MALRD1: variants seen among roughly 807,000 people sequenced by gnomAD.
MALRD1 encodes the protein MAM and LDL-receptor class A domain-containing protein 1.
MALRD1 carries 247 observed loss-of-function variants against 242.1 expected under a neutral mutation model. The ratio of observed to expected loss-of-function variants is 1.02; its 90% CI spans 0.92 to 1.13. The LOEUF (loss-of-function observed/expected upper bound fraction) is 1.13, where lower values mean the gene tolerates loss of function less well. Ranked by LOEUF, MALRD1 falls within the 50% of genes most tolerant of loss-of-function variation. The pLI is 0.00. For synonymous variants in MALRD1, 995 were observed against 866.6 expected (o/e 1.15, Z -2.60); for missense variants, 2,989 against 2,533.1 (o/e 1.18, Z -3.86).
chr10:19,499,945 A>C (rs1249717472), intron 31 of MALRD1, among the ~76,000 whole-genome samples: 2 of 152,208 alleles, frequency 1.3e-5, no homozygotes, highest in Non-Finnish European at 2.9e-5. Context: ...CCAACCTTGC[A>C]TCTTAGGAAT....
intron 21 of MALRD1, among the ~76,000 whole-genome samples, chr10:19,307,403 C>A (rs1842261039): frequency 6.6e-6 from 1 of 151,494 alleles, no homozygotes; most frequent in Admixed American, 6.6e-5. Flanking sequence ...GTCTCTCCAT[C>A]AGATTTGGAA....
chr10:19,497,061 G>A (rs1279110572), intron 30 of MALRD1, among the ~76,000 whole-genome samples: 1 of 152,076 alleles, frequency 6.6e-6, no homozygotes, highest in Non-Finnish European at 1.5e-5. Flanking sequence ...GGGACAGGAG[G>A]TACAAGGATG....
At chr10:19,729,572 A>ATGTGTGTATAGGATCCTTTCGTGTG (rs1491221923) in intron 38 of MALRD1, among the ~76,000 whole-genome samples, 9 of 148,690 alleles carry the variant, frequency 6.1e-5, no homozygotes, top group African/African-American at 2.0e-4. Context: ...GTGTGTACAC[A>ATGTGTGTATAGGATCCTTTCGTGTG]TGTGTGTATA....
chr10:19,314,488 G>A (rs1293166785), intron 21 of MALRD1, among the ~76,000 whole-genome samples: 1 of 151,602 alleles, frequency 6.6e-6, no homozygotes, highest in African/African-American at 2.4e-5. Context: ...ATGTATTTAA[G>A]TAATTGCATG....
intron 26 of MALRD1, among the ~76,000 whole-genome samples, chr10:19,383,334 A>G (rs1845918863): frequency 6.6e-6 from 1 of 152,156 alleles, no homozygotes; most frequent in African/African-American, 2.4e-5. Context: ...TATTTTACTT[A>G]GGATAATGGC....
chr10:19,394,985 A>C (rs1370730488), intron 28 of MALRD1, among the ~76,000 whole-genome samples: 1 of 152,234 alleles, frequency 6.6e-6, no homozygotes, highest in Non-Finnish European at 1.5e-5. Flanking sequence ...GATTCATAGA[A>C]TCTAGATAGG....
At chr10:19,598,964 G>T (rs902100036) in intron 34 of MALRD1, among the ~76,000 whole-genome samples, 10 of 152,028 alleles carry the variant, frequency 6.6e-5, no homozygotes, top group Non-Finnish European at 1.5e-4. Flanking sequence ...ATAAGAGAGG[G>T]CCTAAAAAAT....
chr10:19,718,113 A>AGAAGAAGAAGAGGAAGAAGAG (rs1554830204), intron 38 of MALRD1, among the ~76,000 whole-genome samples: 75 of 149,614 alleles, frequency 5.0e-4, no homozygotes, highest in African/African-American at 1.7e-3. Flanking sequence ...AAGAGGAAGA[A>AGAAGAAGAAGAGGAAGAAGAG]GAAGAAGAAG....
rs553563823 is a variant in MALRD1 at position 19,382,398 on chromosome 10, G to A, written c.4442-5130G>A. ...TGCATGTGTGTCTTAGAGAAATGGA[G>A]AGAAATGGACATAGTAAAAGGAACG... On this transcript the variant is annotated intron_variant, in intron 26 of 39. Transcript: ENST00000454679. Among the ~76,000 whole-genome samples, 3 of 152,134 alleles carry A rather than the reference G, an allele frequency of 2.0e-5. No individual in the cohort carries two copies. In the South Asian group the frequency reaches 6.2e-4, roughly 32 times the overall value.
intron 36 of MALRD1, among the ~76,000 whole-genome samples, chr10:19,626,497 G>A (rs1297500855): frequency 2.0e-5 from 3 of 151,588 alleles, no homozygotes; most frequent in Admixed American, 6.6e-5. Flanking sequence ...TTGAAAACAG[G>A]GTTCAGCGAG....
intron 39 of MALRD1, among the ~76,000 whole-genome samples, chr10:19,731,025 TG>T (rs1341316764): frequency 6.6e-6 from 1 of 152,170 alleles, no homozygotes; most frequent in Non-Finnish European, 1.5e-5. Flanking sequence ...TGTTAAATGG[TG>T]TTGTGGTCAC....
chr10:19,649,728 GT>G (rs1489240008), intron 36 of MALRD1, among the ~76,000 whole-genome samples: 5 of 152,078 alleles, frequency 3.3e-5, no homozygotes, highest in Non-Finnish European at 7.4e-5. Flanking sequence ...AAGCTCTTTA[GT>G]TTAGATACCA....
chr10:19,388,881 GAA>G (rs11405183), intron 27 of MALRD1, among the ~76,000 whole-genome samples: 1 of 117,208 alleles, frequency 8.5e-6, no homozygotes, highest in Non-Finnish European at 1.7e-5. Flanking sequence ...TAGGTCTACT[GAA>G]AAAAAAAAAA....
chr10:19,322,523 A>G lies in MALRD1; in HGVS notation c.3420-1426A>G, dbSNP rs376624193. Among the ~76,000 whole-genome samples the G allele has an allele frequency of 1.1e-4, 17 of 152,294 alleles. No homozygotes were observed. The East Asian group carries it at 3.3e-3, about 29-fold the overall frequency. ...TTTATTTATGATTCTTATTAACACC[A>G]TACATGGAACTGTCTCATTTTCTGA... On this transcript the variant is annotated intron_variant, in intron 21 of 39. Coordinates refer to ENST00000454679, the MANE Select transcript of MALRD1 (RefSeq NM_001142308.3).
chr10:19,392,121 C>T (rs1003427852), intron 28 of MALRD1, among the ~76,000 whole-genome samples: 2 of 152,198 alleles, frequency 1.3e-5, no homozygotes, highest in Non-Finnish European at 2.9e-5. Flanking sequence ...TAGATCGCTA[C>T]AACAATGCAT....
intron 11 of MALRD1, among the ~76,000 whole-genome samples, chr10:19,152,775 A>G (rs1454718461): frequency 6.6e-6 from 1 of 151,948 alleles, no homozygotes; most frequent in African/African-American, 2.4e-5. Flanking sequence ...AAACATGGGA[A>G]ATTTACTTCT....
chr10:19,519,102 A>C (rs923967980), intron 31 of MALRD1, among the ~76,000 whole-genome samples: 12 of 152,134 alleles, frequency 7.9e-5, no homozygotes, highest in Non-Finnish European at 1.6e-4. Context: ...CCATTACTTA[A>C]AAAAATGTAT....
intron 36 of MALRD1, among the ~76,000 whole-genome samples, chr10:19,680,870 G>C (rs1279343249): frequency 6.6e-6 from 1 of 152,110 alleles, no homozygotes; most frequent in African/African-American, 2.4e-5. Flanking sequence ...TGCCTGAAAA[G>C]GATTTTATTA....
intron 23 of MALRD1, 127 bp downstream of exon 23, chr10:19,327,800 A>T: frequency 1.4e-6 from 1 of 722,470 alleles, no homozygotes. Flanking sequence ...GGATGCGTGG[A>T]CACCATGCTT....
Sources: gnomAD v4.1 joint callset for allele counts (sites outside exome capture counted in the v4.1 genomes callset) on GRCh38, gnomAD v4.1.1 for gene constraint, MANE v1.5 for transcripts, NCBI Gene and HGNC (gene_info 2026-07-23, HGNC 2026-07-21) for gene names.